ARFGEF3: variants seen among roughly 807,000 people sequenced by gnomAD.
The protein encoded by ARFGEF3 is brefeldin A-inhibited guanine nucleotide-exchange protein 3.
A neutral mutation model predicts 221.7 loss-of-function variants in ARFGEF3; 96 were observed. The observed-to-expected ratio is 0.43, with a 90% CI of 0.37 to 0.51. ARFGEF3 has a LOEUF of 0.51. Among genes scored for constraint, ARFGEF3 ranks in the 20% least tolerant of loss-of-function variants. The pLI, the probability that ARFGEF3 is intolerant of heterozygous loss-of-function variation, is 0.00. For synonymous variants in ARFGEF3, 1,145 were observed against 1,126.8 expected (o/e 1.02, Z -0.32); for missense variants, 2,410 against 2,789.9 (o/e 0.86, Z 3.07).
chr6:138,285,576 G>T (rs1779271706), intron 14 of ARFGEF3, among the ~76,000 whole-genome samples: 1 of 152,146 alleles, frequency 6.6e-6, no homozygotes, highest in Non-Finnish European at 1.5e-5. Context: ...TGAAACTAAA[G>T]TTCACATCTG....
At chr6:138,220,359 A>G (rs1777961366) in intron 4 of ARFGEF3, among the ~76,000 whole-genome samples, 1 of 152,124 alleles carries the variant, frequency 6.6e-6, no homozygotes, top group Non-Finnish European at 1.5e-5. Context: ...CTCTCTATAT[A>G]TCTATATATA....
intron 8 of ARFGEF3, among the ~76,000 whole-genome samples, chr6:138,246,085 A>C (rs1293677625): frequency 6.6e-6 from 1 of 152,188 alleles, no homozygotes; most frequent in African/African-American, 2.4e-5. Context: ...TTACTCTTTT[A>C]CTTTTTTTTG....
intron 27 of ARFGEF3, 97 bp downstream of exon 27, chr6:138,317,476 C>G (rs1377356528): frequency 3.4e-6 from 5 of 1,455,870 alleles, no homozygotes; most frequent in Non-Finnish European, 4.7e-6. Context: ...TTCACTGTTT[C>G]CTAGACTTAG....
chr6:138,184,251 C>T (rs1224294503), intron 2 of ARFGEF3, among the ~76,000 whole-genome samples: 1 of 152,106 alleles, frequency 6.6e-6, no homozygotes, highest in Admixed American at 6.5e-5. Context: ...TTTTATTATA[C>T]TTCTACCATC....
intron 2 of ARFGEF3, among the ~76,000 whole-genome samples, chr6:138,192,814 T>G (rs911158808): frequency 1.3e-5 from 2 of 152,212 alleles, no homozygotes; most frequent in African/African-American, 4.8e-5. Context: ...TCCATATTTT[T>G]AGATGAAGAA....
At chr6:138,273,475 T>C (rs1779039770) in intron 12 of ARFGEF3, among the ~76,000 whole-genome samples, 2 of 152,328 alleles carry the variant, frequency 1.3e-5, no homozygotes, top group East Asian at 3.9e-4. Flanking sequence ...TCAGAATATG[T>C]TAAAGGTCAT....
chr6:138,277,940 A>C (rs922559348), intron 12 of ARFGEF3, among the ~76,000 whole-genome samples: 1 of 152,342 alleles, frequency 6.6e-6, no homozygotes, highest in East Asian at 1.9e-4. Context: ...GAGGGAGCGC[A>C]GCATCCAGAG....
chr6:138,334,933 CAA>C lies in ARFGEF3; in HGVS notation c.6091_6092del (p.Lys2031GlufsTer143). ...KTISKLMTEY[K>X]KRKQQHNLSA... ...CCATTTCAAAGTTGATGACCGAATA[CAA>C]AAAGAGGAAACAGCAGCACAACCTG... On this transcript the variant is annotated frameshift_variant, in exon 33 of 34. Coordinates refer to ENST00000251691, the MANE Select transcript of ARFGEF3 (RefSeq NM_020340.5). LOFTEE classifies it high-confidence loss of function. This position sits in a 1 kb window ranked among gnomAD's most constrained non-coding sequence, Gnocchi z 5.1. The C allele has an allele frequency of 6.3e-7, 1 of 1,589,744 alleles. No individual in the cohort carries two copies. Among genetic ancestry groups the C allele is most frequent in the Non-Finnish European group, 8.6e-7 (1 of 1,168,672 alleles).
chr6:138,187,210 C>T lies in ARFGEF3; in HGVS notation c.137+16497C>T, dbSNP rs62432804. ...GATTACAGGCATGAGCCACAGCTCC[C>T]GGCCCTCTCATCCTTTTGAAGGAGG... On this transcript the variant is annotated intron_variant, in intron 2 of 33. Coordinates refer to ENST00000251691, the MANE Select transcript of ARFGEF3 (RefSeq NM_020340.5). 9.7e-3 allele frequency among the ~76,000 whole-genome samples: 1,473 copies of T among 152,256 alleles called. 7 individuals are homozygous for T. The highest frequency in any genetic ancestry group is 0.015 in the Non-Finnish European group (1,015 of 67,996).
intron 14 of ARFGEF3, 148 bp from the exon 15 acceptor site, chr6:138,285,798 T>C: frequency 1.7e-6 from 1 of 573,134 alleles, no homozygotes; most frequent in Non-Finnish European, 3.1e-6. Flanking sequence ...AAAGTAAAAT[T>C]TATGATAGTC....
At chr6:138,249,787 G>T (rs1778547171) in intron 8 of ARFGEF3, among the ~76,000 whole-genome samples, 3 of 152,160 alleles carry the variant, frequency 2.0e-5, no homozygotes, top group Admixed American at 6.5e-5. Flanking sequence ...CCTGGTCATA[G>T]TTCTGCCTCT....
chr6:138,172,344 C>T (rs890210787), intron 2 of ARFGEF3, among the ~76,000 whole-genome samples: 8 of 152,332 alleles, frequency 5.3e-5, no homozygotes, highest in African/African-American at 1.2e-4. Flanking sequence ...TCAAAACTGA[C>T]GTTGCCACGT....
At chr6:138,178,370 T>G (rs1776997527) in intron 2 of ARFGEF3, among the ~76,000 whole-genome samples, 1 of 152,202 alleles carries the variant, frequency 6.6e-6, no homozygotes, top group Non-Finnish European at 1.5e-5. Flanking sequence ...GAACATGTTC[T>G]GGGCTGCTCT....
Position 138,334,711 on chromosome 6 carries a change from C to CG in ARFGEF3, c.5865_5866insG (p.Ser1956ValfsTer10). On this transcript the variant is annotated frameshift_variant, in exon 33 of 34. Coordinates refer to ENST00000251691, the MANE Select transcript of ARFGEF3 (RefSeq NM_020340.5). LOFTEE classifies it high-confidence loss of function. The surrounding 1 kb of genome is among the most constrained non-coding windows in gnomAD (Gnocchi z 5.1). ...CATCCACCCCATCCACCGGGGGCTTCTCTGGGAAAGAAACCCCTTCCGAGG... is the reference window on the plus strand; with the variant it reads ...CATCCACCCCATCCACCGGGGGCTTCGTCTGGGAAAGAAACCCCTTCCGAGG... 1 of 1,610,118 alleles carries CG rather than the reference C, an allele frequency of 6.2e-7. No homozygotes were observed. The highest frequency in any genetic ancestry group is 8.5e-7 in the Non-Finnish European group (1 of 1,176,922).
Position 138,270,225 on chromosome 6 carries a change from A to G in ARFGEF3, c.2128+6614A>G, listed in dbSNP as rs79445000. ...CCAAGTAAGAAGAAAATGGTTTTAT[A>G]TAGTAACAAGCAGTTTCTAATACAG... On this transcript the variant is annotated intron_variant, in intron 12 of 33. Transcript: ENST00000251691. Among the ~76,000 whole-genome samples the G allele has an allele frequency of 9.6e-3, 1,467 of 152,314 alleles. 20 individuals are homozygous for G. The highest frequency in any genetic ancestry group is 0.029 in the African/African-American group (1,196 of 41,566).
In ARFGEF3 at chr6:138,328,075, G is replaced by A. The variant is rs1210481031; in HGVS notation, c.5056G>A (p.Ala1686Thr). 1.3e-6 allele frequency: 2 copies of A among 1,566,542 alleles called. No homozygotes were observed. The highest frequency in any genetic ancestry group is 1.7e-6 in the Non-Finnish European group (2 of 1,154,332). ...AAAGACACCAAACAACTTTGACCAC[G>A]CTCAGTCCTGCCAGCTCATTATTGA... ...SPKTPNNFDH[A>T]QSCQLIIELP... The change falls in exon 32 of 34, where the codon GCT becomes ACT. Residue 1686 changes from alanine to threonine, a missense_variant. Physicochemically the swap from Ala to Thr is moderately conservative, Grantham distance 58. Coordinates refer to ENST00000251691, the MANE Select transcript of ARFGEF3 (RefSeq NM_020340.5).
At chr6:138,178,161 G>A (rs944944493) in intron 2 of ARFGEF3, among the ~76,000 whole-genome samples, 10 of 152,010 alleles carry the variant, frequency 6.6e-5, no homozygotes, top group Non-Finnish European at 8.8e-5. Context: ...GATGTTGGTC[G>A]GCTAGGGTTT....
intron 2 of ARFGEF3, among the ~76,000 whole-genome samples, chr6:138,187,683 A>G (rs960025296): frequency 2.0e-5 from 3 of 152,194 alleles, no homozygotes; most frequent in African/African-American, 4.8e-5. Flanking sequence ...CCTGTCTTTC[A>G]GTGCAGTTCC....
intron 5 of ARFGEF3, among the ~76,000 whole-genome samples, chr6:138,232,647 G>T (rs962224519): frequency 2.0e-5 from 3 of 151,986 alleles, no homozygotes; most frequent in Non-Finnish European, 2.9e-5. Context: ...TTCCTCTAAG[G>T]TTCATAATTT....
Sources: gnomAD v4.1 joint callset for allele counts (sites outside exome capture counted in the v4.1 genomes callset) on GRCh38, gnomAD v4.1.1 for gene constraint, Gnocchi (gnomAD v3.1) non-coding constraint, MANE v1.5 for transcripts, NCBI Gene and HGNC (gene_info 2026-07-23, HGNC 2026-07-21) for gene names.